ARB2A: variants seen among roughly 807,000 people sequenced by gnomAD.
The protein encoded by ARB2A is cotranscriptional regulator ARB2A.
the ARB2A span, among the ~76,000 whole-genome samples, chr5:94,028,271 G>A: frequency 1.0e-3 from 152 of 152,272 alleles, no homozygotes; most frequent in African/African-American, 3.5e-3. Context: ...AGACATGTGG[G>A]AGCATGAGAA....
At chr5:93,746,153 T>C in the ARB2A span, among the ~76,000 whole-genome samples, 2 of 151,964 alleles carry the variant, frequency 1.3e-5, no homozygotes, top group African/African-American at 4.8e-5. Context: ...TACTAAACTG[T>C]ATAAAGCAAA....
chr5:94,060,616 C>T, the ARB2A span, among the ~76,000 whole-genome samples: 1 of 152,104 alleles, frequency 6.6e-6, no homozygotes, highest in Admixed American at 6.5e-5. Context: ...TACACAATAT[C>T]TTCCAGTAAA....
chr5:93,995,129 C>T, the ARB2A span, among the ~76,000 whole-genome samples: 3 of 152,098 alleles, frequency 2.0e-5, no homozygotes, highest in African/African-American at 7.2e-5. Context: ...TAAATCATAA[C>T]TGCATAAAAC....
the ARB2A span, among the ~76,000 whole-genome samples, chr5:93,662,725 T>C: frequency 6.6e-6 from 1 of 152,238 alleles, no homozygotes; most frequent in African/African-American, 2.4e-5. Flanking sequence ...TCTGTAGTGA[T>C]GATCACTGGG....
the ARB2A span, among the ~76,000 whole-genome samples, chr5:93,788,533 T>C: frequency 1.3e-5 from 2 of 152,214 alleles, no homozygotes; most frequent in African/African-American, 4.8e-5. Flanking sequence ...CACAGATACC[T>C]GGCCAAATTC....
chr5:93,873,978 A>G, the ARB2A span, among the ~76,000 whole-genome samples: 4 of 152,210 alleles, frequency 2.6e-5, no homozygotes, highest in Non-Finnish European at 5.9e-5. Context: ...TGTTTGCAGG[A>G]TAAGGGGAAA....
chr5:93,825,093 T>C, the ARB2A span, among the ~76,000 whole-genome samples: 1 of 152,216 alleles, frequency 6.6e-6, no homozygotes, highest in Non-Finnish European at 1.5e-5. Flanking sequence ...CAAAGAAATG[T>C]TTACTTTGAT....
chr5:94,054,863 C>T, the ARB2A span, among the ~76,000 whole-genome samples: 1 of 152,152 alleles, frequency 6.6e-6, no homozygotes, highest in South Asian at 2.1e-4. Flanking sequence ...TAATCCAATA[C>T]TACATCATTC....
At chr5:93,673,423 G>C in the ARB2A span, among the ~76,000 whole-genome samples, 1 of 146,738 alleles carries the variant, frequency 6.8e-6, no homozygotes, top group African/African-American at 2.5e-5. Flanking sequence ...CAGCATTATT[G>C]TGTCAAATTA....
At chr5:93,899,388 G>A in the ARB2A span, among the ~76,000 whole-genome samples, 1 of 152,014 alleles carries the variant, frequency 6.6e-6, no homozygotes, top group Non-Finnish European at 1.5e-5. Flanking sequence ...GTCTGTAAAA[G>A]TTCTTTTTCG....
the ARB2A span, among the ~76,000 whole-genome samples, chr5:93,847,310 A>G: frequency 6.6e-6 from 1 of 152,164 alleles, no homozygotes. Context: ...TTCAACTGAA[A>G]AACGTAATAT....
chr5:93,816,590 A>C, the ARB2A span, among the ~76,000 whole-genome samples: 1 of 152,168 alleles, frequency 6.6e-6, no homozygotes, highest in African/African-American at 2.4e-5. Flanking sequence ...GTAGGACCTG[A>C]ATGCAGCTCA....
chr5:93,732,916 A>G, the ARB2A span, among the ~76,000 whole-genome samples: 1 of 151,764 alleles, frequency 6.6e-6, no homozygotes, highest in Non-Finnish European at 1.5e-5. Flanking sequence ...CAATACCTGT[A>G]CATACATTTA....
the ARB2A span, among the ~76,000 whole-genome samples, chr5:93,923,570 A>G: frequency 6.6e-6 from 1 of 152,180 alleles, no homozygotes; most frequent in Non-Finnish European, 1.5e-5. Flanking sequence ...GCCTGTAATC[A>G]CAGAACTCTG....
At chr5:93,671,997 T>C in the ARB2A span, among the ~76,000 whole-genome samples, 1 of 152,184 alleles carries the variant, frequency 6.6e-6, no homozygotes, top group Admixed American at 6.5e-5. Context: ...AATGGCTGAG[T>C]GAGTTCTGCT....
chr5:93,708,989 A>C, the ARB2A span, among the ~76,000 whole-genome samples: 2 of 151,992 alleles, frequency 1.3e-5, no homozygotes. Context: ...ATATATTTGA[A>C]ATTTGCTAAG....
chr5:94,052,829 G>C, the ARB2A span, among the ~76,000 whole-genome samples: 3 of 152,128 alleles, frequency 2.0e-5, no homozygotes, highest in Non-Finnish European at 4.4e-5. Flanking sequence ...CCAGGGAGTT[G>C]AACGCTCAAG....
chr5:93,771,443 A>G, the ARB2A span, among the ~76,000 whole-genome samples: 2 of 151,068 alleles, frequency 1.3e-5, no homozygotes, highest in African/African-American at 4.9e-5. Context: ...ACAAAAGCCA[A>G]AATTGACAAA....
the ARB2A span, chr5:93,741,324 C>T: frequency 6.2e-7 from 1 of 1,613,082 alleles, no homozygotes; most frequent in Non-Finnish European, 8.5e-7. Flanking sequence ...CAAGACGGGG[C>T]CTGCAGGGTG....
Sources: gnomAD v4.1 joint callset for allele counts (sites outside exome capture counted in the v4.1 genomes callset) on GRCh38, gnomAD v4.1.1 for gene constraint, MANE v1.5 for transcripts, NCBI Gene and HGNC (gene_info 2026-07-23, HGNC 2026-07-21) for gene names.